BLTP1: variants seen among roughly 807,000 people sequenced by gnomAD.
The protein encoded by BLTP1 is bridge-like lipid transfer protein family member 1.
chr4:122,262,556 T>G, the BLTP1 span, among the ~76,000 whole-genome samples: 1 of 152,188 alleles, frequency 6.6e-6, no homozygotes, highest in East Asian at 1.9e-4. Flanking sequence ...GCTCTTTGTC[T>G]TGTACTATAG....
At chr4:122,200,870 G>A in the BLTP1 span, 1 of 1,291,422 alleles carries the variant, frequency 7.7e-7, no homozygotes, top group Non-Finnish European at 1.0e-6. Flanking sequence ...CAATATTAAA[G>A]TCTCAAAGGG....
the BLTP1 span, chr4:122,315,540 T>C: frequency 1.2e-6 from 2 of 1,614,116 alleles, no homozygotes; most frequent in South Asian, 1.1e-5. Context: ...GATCCTAACA[T>C]TGGCAAAAGG....
chr4:122,237,799 A>G, the BLTP1 span, among the ~76,000 whole-genome samples: 2 of 152,052 alleles, frequency 1.3e-5, no homozygotes, highest in South Asian at 2.1e-4. Context: ...CCTGGCCAAC[A>G]TGGGGAAACC....
the BLTP1 span, among the ~76,000 whole-genome samples, chr4:122,320,262 C>T: frequency 6.6e-6 from 1 of 152,146 alleles, no homozygotes; most frequent in Non-Finnish European, 1.5e-5. Flanking sequence ...AATCCTCCTG[C>T]TTCAGCCTCC....
At chr4:122,360,146 T>C in the BLTP1 span, 3 of 643,964 alleles carry the variant, frequency 4.7e-6, no homozygotes, top group Non-Finnish European at 5.8e-6. Flanking sequence ...TGTATATATG[T>C]CATAACACTG....
the BLTP1 span, among the ~76,000 whole-genome samples, chr4:122,155,616 G>A: frequency 3.3e-5 from 5 of 152,226 alleles, no homozygotes; most frequent in Admixed American, 1.3e-4. Context: ...GAGCCACCGC[G>A]CCTGGTGAAA....
At chr4:122,210,839 G>A in the BLTP1 span, 18 of 1,592,032 alleles carry the variant, frequency 1.1e-5, no homozygotes, top group Non-Finnish European at 1.5e-5. Flanking sequence ...GAAGTCTTTT[G>A]TCCCCCACCC....
the BLTP1 span, chr4:122,264,545 C>A: frequency 2.4e-6 from 2 of 837,046 alleles, no homozygotes; most frequent in Non-Finnish European, 3.3e-6. Context: ...TACCTATCTG[C>A]CTACAGCCTT....
chr4:122,324,159 T>A, the BLTP1 span, among the ~76,000 whole-genome samples: 1 of 152,010 alleles, frequency 6.6e-6, no homozygotes, highest in African/African-American at 2.4e-5. Flanking sequence ...CTCACCATGT[T>A]TCTGTACCCT....
chr4:122,186,501 A>G, the BLTP1 span, among the ~76,000 whole-genome samples: 1 of 152,044 alleles, frequency 6.6e-6, no homozygotes, highest in South Asian at 2.1e-4. Context: ...TTTTGAATGT[A>G]TGTACATAAA....
chr4:122,250,382 G>A, the BLTP1 span: 2 of 1,610,848 alleles, frequency 1.2e-6, no homozygotes, highest in South Asian at 1.1e-5. Flanking sequence ...GTCTGGTGCT[G>A]TTTTATATAA....
chr4:122,312,107 C>T, the BLTP1 span, among the ~76,000 whole-genome samples: 2 of 152,160 alleles, frequency 1.3e-5, no homozygotes, highest in Non-Finnish European at 2.9e-5. Flanking sequence ...GCCATCATAG[C>T]TCACTGCAGC....
At chr4:122,208,985 T>TA in the BLTP1 span, 5,873 of 361,030 alleles carry the variant, frequency 0.016, 2 homozygotes, top group Middle Eastern at 0.024. Context: ...GTGAGACCAT[T>TA]AAAAAAAAAA....
chr4:122,222,779 T>G, the BLTP1 span: 1 of 154,878 alleles, frequency 6.5e-6, no homozygotes, highest in African/African-American at 2.4e-5. Flanking sequence ...ATAACCTAAT[T>G]ATATCCGCAA....
the BLTP1 span, chr4:122,237,273 ATTCTCTTT>A: frequency 1.0e-6 from 1 of 985,344 alleles, no homozygotes; most frequent in Non-Finnish European, 1.2e-6. Context: ...CAGCTATAGA[ATTCTCTTT>A]TTATTTCCCC....
At chr4:122,186,488 T>C in the BLTP1 span, among the ~76,000 whole-genome samples, 1 of 152,098 alleles carries the variant, frequency 6.6e-6, no homozygotes, top group African/African-American at 2.4e-5. Flanking sequence ...TTAGTTTTTA[T>C]CCTTTTGAAT....
the BLTP1 span, among the ~76,000 whole-genome samples, chr4:122,327,591 T>C: frequency 6.6e-6 from 1 of 151,644 alleles, no homozygotes; most frequent in Non-Finnish European, 1.5e-5. Flanking sequence ...CTTTAACTCA[T>C]GTGGGGCTCA....
chr4:122,221,248 C>A, the BLTP1 span: 6 of 163,408 alleles, frequency 3.7e-5, no homozygotes, highest in Non-Finnish European at 7.7e-5. Flanking sequence ...CCTTTTCATT[C>A]TTTTGCCATC....
chr4:122,236,376 TA>T, the BLTP1 span, among the ~76,000 whole-genome samples: 5 of 152,370 alleles, frequency 3.3e-5, no homozygotes, highest in South Asian at 4.1e-4. Context: ...AGATAGATTG[TA>T]ATAATTTAGC....
Sources: allele counts gnomAD v4.1 joint callset (sites outside exome capture counted in the v4.1 genomes callset), GRCh38; gene constraint gnomAD v4.1.1; transcripts MANE v1.5; gene names NCBI Gene and HGNC (gene_info 2026-07-23, HGNC 2026-07-21).